The following TNS3 variants were observed in gnomAD, a reference collection of about 807,000 sequenced individuals.
TNS3 encodes the protein tensin-3.
A neutral mutation model predicts 140.9 loss-of-function variants in TNS3; 45 were observed. That is an observed-to-expected ratio of 0.32 (90% confidence interval 0.25 to 0.41). The LOEUF (loss-of-function observed/expected upper bound fraction) is 0.41, where lower values mean the gene tolerates loss of function less well. Ranked by LOEUF, TNS3 falls within the 10% of genes least tolerant of loss-of-function variation. TNS3 has a pLI of 1.00. For synonymous variants in TNS3, 815 were observed against 788.4 expected (o/e 1.03, Z -0.56); for missense variants, 1,716 against 1,906.7 (o/e 0.90, Z 1.86).
chr7:47,298,141 T>C (rs1285488544), intron 23 of TNS3, among the ~76,000 whole-genome samples: 1 of 152,174 alleles, frequency 6.6e-6, no homozygotes, highest in Non-Finnish European at 1.5e-5. Flanking sequence ...ACCCAAAATG[T>C]TACTGAAAAT....
chr7:47,384,298 C>G (rs1182019197), intron 16 of TNS3, among the ~76,000 whole-genome samples: 1 of 152,224 alleles, frequency 6.6e-6, no homozygotes, highest in Non-Finnish European at 1.5e-5. Context: ...GAAGGGGCAG[C>G]CTGTGCCTCC....
chr7:47,385,800 A>T (rs562188840), intron 16 of TNS3, among the ~76,000 whole-genome samples: 78 of 152,228 alleles, frequency 5.1e-4, no homozygotes, highest in African/African-American at 1.9e-3. Flanking sequence ...CTTCTGCCTC[A>T]TCCTAGTCAG....
At chr7:47,540,301 A>G (rs1449346386) in intron 1 of TNS3, among the ~76,000 whole-genome samples, 4 of 152,276 alleles carry the variant, frequency 2.6e-5, no homozygotes, top group Admixed American at 6.5e-5. Context: ...CCCAGGGAGG[A>G]TGAATTCCAG....
intron 1 of TNS3, among the ~76,000 whole-genome samples, chr7:47,550,425 G>C (rs1196811206): frequency 6.6e-6 from 1 of 152,184 alleles, no homozygotes; most frequent in East Asian, 1.9e-4. Context: ...CTGTAAGGCG[G>C]TAACCTTGGC....
intron 1 of TNS3, among the ~76,000 whole-genome samples, chr7:47,560,151 C>A (rs1041564880): frequency 6.6e-6 from 1 of 151,716 alleles, no homozygotes; most frequent in Non-Finnish European, 1.5e-5. Context: ...AAGACCTGAA[C>A]CCCAAGGTGA....
intron 2 of TNS3, among the ~76,000 whole-genome samples, chr7:47,510,860 TAA>T (rs34323744): frequency 2.6e-4 from 34 of 128,304 alleles, no homozygotes; most frequent in African/African-American, 4.9e-4. Flanking sequence ...AGACTGTCTT[TAA>T]AAAAAAAAAA....
At chr7:47,478,815 C>T (rs1797299090) in intron 4 of TNS3, among the ~76,000 whole-genome samples, 1 of 151,998 alleles carries the variant, frequency 6.6e-6, no homozygotes, top group South Asian at 2.1e-4. Context: ...GTATAACATG[C>T]ATGTATGTGT....
chr7:47,459,716 A>C (rs936510459), intron 4 of TNS3, among the ~76,000 whole-genome samples: 1 of 152,168 alleles, frequency 6.6e-6, no homozygotes, highest in Non-Finnish European at 1.5e-5. Context: ...GCAGTGGAAG[A>C]GAGGACTCAT....
chr7:47,548,379 G>A (rs760994353), intron 1 of TNS3, among the ~76,000 whole-genome samples: 1 of 152,170 alleles, frequency 6.6e-6, no homozygotes, highest in African/African-American at 2.4e-5. Flanking sequence ...CTCAAAGGCT[G>A]ACTATAGTCA....
chr7:47,312,904 A>G (rs970065232), intron 20 of TNS3, among the ~76,000 whole-genome samples: 3 of 152,092 alleles, frequency 2.0e-5, no homozygotes. Context: ...AAATAAAAAT[A>G]AAAAATAAAA....
chr7:47,537,390 A>T (rs1044086284), intron 1 of TNS3, among the ~76,000 whole-genome samples: 3 of 152,022 alleles, frequency 2.0e-5, no homozygotes, highest in African/African-American at 7.2e-5. Flanking sequence ...CCTCCATCTG[A>T]CACGAATTAG....
At chr7:47,554,166 C>G (rs1426066133) in intron 1 of TNS3, among the ~76,000 whole-genome samples, 1 of 150,698 alleles carries the variant, frequency 6.6e-6, no homozygotes. Flanking sequence ...CACCTGTAAT[C>G]CCAGCACTTT....
In TNS3 at chr7:47,344,908, G is replaced by A. The variant is rs941821238; in HGVS notation, c.2566+16C>T. ...GCATGGAGCAGCACATGCAGCTAGT[G>A]TTACTTCATTCTTACCATACGGTGT... On this transcript the variant is annotated intron_variant, in intron 19 of 30. Coordinates refer to ENST00000311160, the MANE Select transcript of TNS3 (RefSeq NM_022748.12). 4.3e-6 allele frequency: 7 copies of A among 1,613,518 alleles called. No homozygotes were observed. Among genetic ancestry groups the A allele is most frequent in the Non-Finnish European group, 5.9e-6 (7 of 1,179,454 alleles).
intron 17 of TNS3, among the ~76,000 whole-genome samples, chr7:47,349,232 A>T (rs375421059): frequency 1.5e-4 from 23 of 152,254 alleles, no homozygotes; most frequent in African/African-American, 3.1e-4. Flanking sequence ...ATCTTCATTT[A>T]AAAAAAGTCT....
At chr7:47,438,382 C>T (rs1795295799) in intron 6 of TNS3, among the ~76,000 whole-genome samples, 1 of 152,154 alleles carries the variant, frequency 6.6e-6, no homozygotes, top group African/African-American at 2.4e-5. Context: ...GGAAGGATGG[C>T]CAGAGAGGAG....
chr7:47,400,763 G>A, intron 14 of TNS3, 22 bp downstream of exon 14: 1 of 1,612,358 alleles, frequency 6.2e-7, no homozygotes, highest in South Asian at 1.1e-5. Context: ...ACAAGCACAG[G>A]GCCGCCAGCT....
At chr7:47,536,476 T>C (rs1242750966) in intron 1 of TNS3, among the ~76,000 whole-genome samples, 5 of 152,204 alleles carry the variant, frequency 3.3e-5, no homozygotes, top group Admixed American at 2.6e-4. Context: ...CCTGTAAGGA[T>C]TCCTACATCC....
At chr7:47,331,580 T>C (rs533356937) in intron 20 of TNS3, among the ~76,000 whole-genome samples, 1 of 152,332 alleles carries the variant, frequency 6.6e-6, no homozygotes, top group East Asian at 1.9e-4. Flanking sequence ...CTGACGCCCA[T>C]CGCACACTTG....
upstream of TNS3, chr7:47,582,339 A>G (rs1784557229): frequency 2.3e-6 from 1 of 430,662 alleles, no homozygotes; most frequent in Non-Finnish European, 4.7e-6. Context: ...GGCCGCAGAG[A>G]GGACCTGGAA....
Sources: allele counts gnomAD v4.1 joint callset (sites outside exome capture counted in the v4.1 genomes callset), GRCh38; gene constraint gnomAD v4.1.1; transcripts MANE v1.5; gene names NCBI Gene and HGNC (gene_info 2026-07-23, HGNC 2026-07-21).